SCAI: variants seen among roughly 807,000 people sequenced by gnomAD.
The protein encoded by SCAI is protein SCAI.
In SCAI, 24 loss-of-function variants were observed where a neutral mutation model predicts 92.2. The ratio of observed to expected loss-of-function variants is 0.26; its 90% CI spans 0.19 to 0.37. The LOEUF (loss-of-function observed/expected upper bound fraction) is 0.37, where lower values mean the gene tolerates loss of function less well. Among genes scored for constraint, SCAI ranks in the 10% least tolerant of loss-of-function variants. SCAI has a pLI of 1.00. For missense variants in SCAI, 450 were observed against 736.2 expected (o/e 0.61, Z 4.50); for synonymous variants, 261 against 258.6 (o/e 1.01, Z -0.09).
At chr9:125,042,931 T>C (rs1277428761) in intron 3 of SCAI, among the ~76,000 whole-genome samples, 2 of 139,164 alleles carry the variant, frequency 1.4e-5, no homozygotes, top group South Asian at 2.4e-4. Context: ...AGTGGCATGA[T>C]CTTGGCTCAC....
intron 6 of SCAI, among the ~76,000 whole-genome samples, chr9:125,022,559 G>C (rs1478721747): frequency 6.6e-6 from 1 of 152,156 alleles, no homozygotes; most frequent in Non-Finnish European, 1.5e-5. Context: ...TTGCAGGTGT[G>C]TGCCACCATG....
At chr9:125,059,412 G>T (rs1182942973) in intron 2 of SCAI, among the ~76,000 whole-genome samples, 1 of 152,172 alleles carries the variant, frequency 6.6e-6, no homozygotes, top group Non-Finnish European at 1.5e-5. Context: ...CCTGAATGGG[G>T]TCTAAGGACT....
At chr9:125,019,080 TTA>T (rs1351521026) in intron 8 of SCAI, 25 bp downstream of exon 8, 2 of 1,551,260 alleles carry the variant, frequency 1.3e-6, no homozygotes, top group Non-Finnish European at 8.8e-7. Context: ...TTATCAATAA[TTA>T]TGATTTTTCT....
At position 124,944,261 on chromosome 9, in the gene SCAI, T is replaced by G. The variant is rs572358474; in HGVS notation, c.*8546A>C. ...TCTTTTTAATGATACAGTAACAAGT[T>G]AACAAAAACCATTCTTCAGGAAATA... On this transcript the variant is annotated 3_prime_UTR_variant, in exon 18 of 18. Transcript: ENST00000336505. The G allele has an allele frequency of 6.6e-6, 1 of 151,672 alleles. No individual in the cohort carries two copies. The highest frequency in any genetic ancestry group is 2.4e-5 in the African/African-American group (1 of 41,382). The allele number at this position is 151,672 out of a possible 1,614,324, so 9.4% of individuals were successfully genotyped here.
At chr9:125,001,877 G>T in intron 12 of SCAI, 88 bp downstream of exon 12, 1 of 883,806 alleles carries the variant, frequency 1.1e-6, no homozygotes, top group Non-Finnish European at 1.8e-6. Context: ...GAAAGGCTGA[G>T]ATGGTCTGTG....
At chr9:125,120,461 G>A (rs1835135355) in intron 2 of SCAI, among the ~76,000 whole-genome samples, 1 of 152,178 alleles carries the variant, frequency 6.6e-6, no homozygotes, top group Non-Finnish European at 1.5e-5. Context: ...GGGAGGCCAA[G>A]GTGGGTGAAT....
chr9:125,002,215 G>C (rs183146644), intron 11 of SCAI, among the ~76,000 whole-genome samples, 172 bp from the exon 12 acceptor site: 7 of 152,250 alleles, frequency 4.6e-5, no homozygotes, highest in Admixed American at 3.9e-4. Context: ...ACACACGGCA[G>C]AGATTCATTA....
intron 17 of SCAI, among the ~76,000 whole-genome samples, chr9:124,962,066 T>C (rs1388476039): frequency 6.6e-6 from 1 of 151,644 alleles, no homozygotes; most frequent in African/African-American, 2.4e-5. Flanking sequence ...TTTGCCAGAA[T>C]TTAATTCTCT....
chr9:124,963,504 C>T (rs1049453603), intron 17 of SCAI, among the ~76,000 whole-genome samples: 1 of 151,800 alleles, frequency 6.6e-6, no homozygotes, highest in Admixed American at 6.6e-5. Flanking sequence ...AATCCTAGCA[C>T]TTTAGGAGGC....
chr9:125,012,635 A>G (rs2131059578), intron 9 of SCAI, among the ~76,000 whole-genome samples: 1 of 152,174 alleles, frequency 6.6e-6, no homozygotes, highest in South Asian at 2.1e-4. Context: ...CAGAAAGTTA[A>G]CAAGGATACC....
intron 14 of SCAI, among the ~76,000 whole-genome samples, chr9:124,980,865 G>A (rs1831871253): frequency 6.6e-6 from 1 of 152,144 alleles, no homozygotes; most frequent in African/African-American, 2.4e-5. Flanking sequence ...CACTGAACCT[G>A]GGAATCATCT....
intron 17 of SCAI, among the ~76,000 whole-genome samples, chr9:124,956,853 G>GA (rs986044220): frequency 6.6e-6 from 1 of 151,862 alleles, no homozygotes; most frequent in African/African-American, 2.4e-5. Flanking sequence ...ATATAGATTG[G>GA]AAAAAAAGAA....
intron 13 of SCAI, 78 bp from the exon 14 acceptor site, chr9:124,995,093 C>T (rs1374791290): frequency 9.5e-7 from 1 of 1,053,854 alleles, no homozygotes; most frequent in South Asian, 1.4e-5. Flanking sequence ...TTGGTCTGCT[C>T]ATATCTCCTT....
chr9:125,028,961 C>T (rs1833017915), intron 4 of SCAI, among the ~76,000 whole-genome samples: 2 of 151,988 alleles, frequency 1.3e-5, no homozygotes, highest in Admixed American at 1.3e-4. Flanking sequence ...CCATGCCCGA[C>T]TAATTTTTAT....
intron 3 of SCAI, among the ~76,000 whole-genome samples, chr9:125,031,125 A>C (rs978896656): frequency 2.0e-5 from 3 of 152,108 alleles, no homozygotes; most frequent in African/African-American, 7.2e-5. Context: ...AACCTTATAA[A>C]CTCAAGGTAT....
At chr9:125,131,333 G>A (rs13289436) in intron 2 of SCAI, among the ~76,000 whole-genome samples, 10 of 151,432 alleles carry the variant, frequency 6.6e-5, no homozygotes, top group Non-Finnish European at 1.5e-4. Flanking sequence ...GCTGGAACCC[G>A]GGAGGCGGAG....
intron 3 of SCAI, among the ~76,000 whole-genome samples, chr9:125,043,071 T>C (rs1285769564): frequency 6.6e-6 from 1 of 152,096 alleles, no homozygotes; most frequent in South Asian, 2.1e-4. Context: ...TTTCGCCATG[T>C]TGGCCAGGCT....
chr9:125,080,462 T>G (rs1050831378), intron 2 of SCAI, among the ~76,000 whole-genome samples: 1 of 152,160 alleles, frequency 6.6e-6, no homozygotes, highest in African/African-American at 2.4e-5. Context: ...TTTTCAGGCT[T>G]TCCCCTACCC....
intron 2 of SCAI, among the ~76,000 whole-genome samples, chr9:125,095,501 G>C (rs1437772055): frequency 1.3e-5 from 2 of 152,232 alleles, no homozygotes; most frequent in Admixed American, 1.3e-4. Flanking sequence ...TACAATACGT[G>C]TTCTCTCCTT....
Sources: gnomAD v4.1 joint callset for allele counts (sites outside exome capture counted in the v4.1 genomes callset) on GRCh38, gnomAD v4.1.1 for gene constraint, MANE v1.5 for transcripts, NCBI Gene and HGNC (gene_info 2026-07-23, HGNC 2026-07-21) for gene names.